SLC12A7: variants seen among roughly 807,000 people sequenced by gnomAD.
The protein encoded by SLC12A7 is K-Cl cotransporter 4.
SLC12A7 carries 100 observed loss-of-function variants against 120.6 expected under a neutral mutation model. The ratio of observed to expected loss-of-function variants is 0.83; its 90% confidence interval spans 0.71 to 0.98. The LOEUF (loss-of-function observed/expected upper bound fraction) is 0.98, where lower values mean the gene tolerates loss of function less well. Among genes scored for constraint, SLC12A7 ranks in the 50% least tolerant of loss-of-function variants. The pLI is 0.00. For missense variants in SLC12A7, 1,373 were observed against 1,548.1 expected (o/e 0.89, Z 1.90); for synonymous variants, 760 against 678.0 (o/e 1.12, Z -1.88).
chr5:1,078,889 A>C, intron 10 of SLC12A7, 131 bp from the exon 11 acceptor site: 3 of 715,606 alleles, frequency 4.2e-6, no homozygotes, highest in East Asian at 2.7e-5. Context: ...GTGGGCGGGG[A>C]CCGTTCTGCA....
intron 1 of SLC12A7, among the ~76,000 whole-genome samples, chr5:1,111,315 C>G (rs1344939487): frequency 6.6e-6 from 1 of 152,186 alleles, no homozygotes; most frequent in Non-Finnish European, 1.5e-5. Flanking sequence ...AGGACGCGGC[C>G]TGAGCAAGGC....
Position 1,052,128 on chromosome 5 carries a change from AGAT to A in SLC12A7, c.*229_*231del. On this transcript the variant is annotated 3_prime_UTR_variant, in exon 24 of 24. Coordinates refer to ENST00000264930, the MANE Select transcript of SLC12A7 (RefSeq NM_006598.3). ...CACTCCGGTAGCAGCGTCTGCCCTC[AGAT>A]GCAAGGAAATCGTCCAGCCACGCCC... 1.7e-6 allele frequency: 1 copy of A among 575,356 alleles called. No homozygotes were observed. The highest frequency in any genetic ancestry group is 3.1e-6 in the Non-Finnish European group (1 of 322,184). The allele number at this position is 575,356 out of a possible 1,614,324, so 35.6% of individuals were successfully genotyped here.
intron 9 of SLC12A7, among the ~76,000 whole-genome samples, chr5:1,080,431 C>T (rs1738914428): frequency 6.6e-6 from 1 of 152,230 alleles, no homozygotes; most frequent in Admixed American, 6.5e-5. Context: ...AAGACGGGCC[C>T]ACCTTCAGTG....
At chr5:1,143,324 C>A in the SLC12A7 span, among the ~76,000 whole-genome samples, 595 of 152,334 alleles carry the variant, frequency 3.9e-3, 5 homozygotes, top group African/African-American at 0.014. Context: ...AGAAATTGTT[C>A]CCTCGCAGCC....
rs79172727 is a variant in SLC12A7 at position 1,078,955 on chromosome 5, G to T, written c.1397-197C>A. On this transcript the variant is annotated intron_variant, in intron 10 of 23. Coordinates refer to ENST00000264930, the MANE Select transcript of SLC12A7 (RefSeq NM_006598.3). ...CCGTGTCCTCAGCGCACCCTCCTGG[G>T]GCTCTGTCCAGCGCCACAGAACGGG... Among the ~76,000 whole-genome samples the T allele has an allele frequency of 0.38, 57,800 of 151,934 alleles. 12,331 individuals carry two copies. The highest frequency in any genetic ancestry group is 0.49 in the Non-Finnish European group (33,053 of 67,890).
At chr5:1,129,494 C>T in the SLC12A7 span, among the ~76,000 whole-genome samples, 54 of 152,270 alleles carry the variant, frequency 3.5e-4, no homozygotes. Flanking sequence ...CCTCCTGGCC[C>T]CCTCAGCTTT....
intron 15 of SLC12A7, 85 bp from the exon 16 acceptor site, chr5:1,074,756 T>C: frequency 7.8e-7 from 1 of 1,279,914 alleles, no homozygotes; most frequent in Non-Finnish European, 1.1e-6. Context: ...TGGGGGCAGG[T>C]GAGTTGGGGC....
chr5:1,058,957 C>T (rs1230194060), intron 21 of SLC12A7, among the ~76,000 whole-genome samples: 2 of 152,234 alleles, frequency 1.3e-5, no homozygotes, highest in African/African-American at 4.8e-5. Flanking sequence ...CGAGCTCGAG[C>T]TTGCTGTTCC....
chr5:1,115,373 C>T (rs772795974), upstream of SLC12A7, among the ~76,000 whole-genome samples: 10 of 152,240 alleles, frequency 6.6e-5, no homozygotes, highest in African/African-American at 1.4e-4. Context: ...CTCGTGCCCA[C>T]GGCTTGGAAT....
chr5:1,155,297 G>A, the SLC12A7 span, among the ~76,000 whole-genome samples: 8 of 152,304 alleles, frequency 5.3e-5, no homozygotes, highest in South Asian at 1.5e-3. Context: ...GTGGTCCCGA[G>A]AGAGGCAGCC....
chr5:1,084,218 C>T lies in SLC12A7; in HGVS notation c.918-262G>A, dbSNP rs527941709. ...GGACCAGGCCAGGCTGCAGCAGGAACGCTGTACTGTACAGCCGTCCCCTCA... is the reference window on the plus strand; with the variant it reads ...GGACCAGGCCAGGCTGCAGCAGGAATGCTGTACTGTACAGCCGTCCCCTCA... On this transcript the variant is annotated intron_variant, in intron 7 of 23. Transcript: ENST00000264930. 1.6e-3 allele frequency among the ~76,000 whole-genome samples: 236 copies of T among 152,118 alleles called. 2 individuals carry two copies. The highest frequency in any genetic ancestry group is 2.8e-3 in the Non-Finnish European group (192 of 68,020).
At chr5:1,077,692 A>G (rs1738517027) in intron 12 of SLC12A7, 141 bp downstream of exon 12, 1 of 853,720 alleles carries the variant, frequency 1.2e-6, no homozygotes, top group Non-Finnish European at 1.7e-6. Flanking sequence ...TGCTCTGTGC[A>G]GTGGCCAGGG....
chr5:1,143,121 C>T, the SLC12A7 span, among the ~76,000 whole-genome samples: 1 of 152,216 alleles, frequency 6.6e-6, no homozygotes, highest in Non-Finnish European at 1.5e-5. Context: ...CATGCCCCTC[C>T]ATCCGCAGGG....
chr5:1,148,786 A>G, the SLC12A7 span, among the ~76,000 whole-genome samples: 1 of 152,230 alleles, frequency 6.6e-6, no homozygotes, highest in Non-Finnish European at 1.5e-5. Context: ...CTTCCTTTGT[A>G]CACTGACCAG....
chr5:1,114,129 G>A (rs1375647990), upstream of SLC12A7, among the ~76,000 whole-genome samples: 15 of 152,228 alleles, frequency 9.9e-5, no homozygotes. Flanking sequence ...GGAAACTGAG[G>A]CCCAGGAGTT....
At position 1,064,044 on chromosome 5, in the gene SLC12A7, G is replaced by A. The variant is rs1238591793; in HGVS notation, c.2607+39C>T. ...GTCCCGGCCCGCAGCACGTGGGGTG[G>A]CCGTGCTCCGGCTGGCGTGTCCCCG... On this transcript the variant is annotated intron_variant, in intron 19 of 23. Transcript: ENST00000264930. 9 of 1,600,382 alleles carry A rather than the reference G, an allele frequency of 5.6e-6. No homozygotes were observed. The South Asian group carries it at 6.7e-5, about 12-fold the overall frequency.
intron 6 of SLC12A7, 54 bp from the exon 7 acceptor site, chr5:1,085,527 C>T: frequency 6.6e-7 from 1 of 1,511,960 alleles, no homozygotes; most frequent in Non-Finnish European, 8.9e-7. Context: ...TCCCCAGTGC[C>T]CGTCCCTCCC....
chr5:1,147,539 C>T, the SLC12A7 span, among the ~76,000 whole-genome samples: 4 of 152,184 alleles, frequency 2.6e-5, no homozygotes, highest in African/African-American at 9.7e-5. Flanking sequence ...TTGGTCTCCA[C>T]AGCCCCTCAG....
chr5:1,074,668 G>T lies in SLC12A7; in HGVS notation c.1971C>A (p.Ala657=), dbSNP rs375196633. 1.2e-6 allele frequency: 2 copies of T among 1,612,466 alleles called. No homozygotes were observed. Among genetic ancestry groups the T allele is most frequent in the African/African-American group, 2.7e-5 (2 of 75,042 alleles). ...CIYKYIEYRG[A]EKEWGDGIRG... ...GGATGCCATCGCCCCACTCCTTCTC[G>T]GCCCTGTGGGAAAGGAAGTCGGGGT... is the stretch of plus-strand genomic sequence containing the variant. The change falls in exon 16 of 24, where the codon GCC becomes GCA. Residue 657 remains alanine (A), a synonymous_variant. Transcript: ENST00000264930.
Sources: gnomAD v4.1 joint callset for allele counts (sites outside exome capture counted in the v4.1 genomes callset) on GRCh38, gnomAD v4.1.1 for gene constraint, MANE v1.5 for transcripts, NCBI Gene and HGNC (gene_info 2026-07-23, HGNC 2026-07-21) for gene names.